Variants in CRACD observed in about 807,000 individuals in gnomAD.
CRACD encodes the protein capping protein-inhibiting regulator of actin dynamics.
In CRACD, 56 loss-of-function variants were observed where a neutral mutation model predicts 106.8. The ratio of observed to expected loss-of-function variants is 0.52; its 90% CI spans 0.42 to 0.66. The LOEUF is 0.66. Among genes scored for constraint, CRACD ranks in the 30% least tolerant of loss-of-function variants. The pLI is 0.00. For synonymous variants in CRACD, 754 were observed against 670.8 expected (o/e 1.12, Z -1.92); for missense variants, 1,730 against 1,623.2 (o/e 1.07, Z -1.13).
At chr4:56,237,982 T>A (rs1357804305) in intron 2 of CRACD, among the ~76,000 whole-genome samples, 1 of 150,762 alleles carries the variant, frequency 6.6e-6, no homozygotes, top group Non-Finnish European at 1.5e-5. Flanking sequence ...TATAACAAAC[T>A]ACCTCTGAAC....
intron 2 of CRACD, among the ~76,000 whole-genome samples, chr4:56,240,637 T>C (rs1740309783): frequency 6.6e-6 from 1 of 152,162 alleles, no homozygotes; most frequent in Non-Finnish European, 1.5e-5. Flanking sequence ...CCCTAGTAGC[T>C]GGGACTACAA....
At position 56,327,902 on chromosome 4, in the gene CRACD, G is replaced by A. The variant is rs1251704045; in HGVS notation, c.*98G>A. On this transcript the variant is annotated 3_prime_UTR_variant, in exon 11 of 11. Coordinates refer to ENST00000682029, the MANE Select transcript of CRACD (RefSeq NM_001393381.1). ...TATGGGGTAAAGAAATCAAGCTAGG[G>A]AAAAGAAGCATGTTTTATAGGCTCC... The A allele has an allele frequency of 1.8e-6, 2 of 1,085,262 alleles. No homozygotes were observed. Among genetic ancestry groups the A allele is most frequent in the Non-Finnish European group, 2.6e-6 (2 of 755,054 alleles). 67.2% of individuals were successfully genotyped at this position (1,085,262 alleles called of 1,614,324 possible). A position where few individuals can be genotyped will look rare whatever the true frequency, so the allele number is the denominator to read the frequency against.
chr4:56,195,485 C>T (rs1577729438), intron 2 of CRACD, among the ~76,000 whole-genome samples: 1 of 152,142 alleles, frequency 6.6e-6, no homozygotes, highest in African/African-American at 2.4e-5. Context: ...TAGGTGATTA[C>T]TCATATCAAG....
chr4:56,294,239 A>T (rs1743860640), intron 3 of CRACD, among the ~76,000 whole-genome samples: 1 of 151,972 alleles, frequency 6.6e-6, no homozygotes, highest in African/African-American at 2.4e-5. Context: ...AAAAAAAAGA[A>T]TCAGCAGTCA....
intron 2 of CRACD, among the ~76,000 whole-genome samples, chr4:56,206,706 A>C (rs1202022845): frequency 6.6e-6 from 1 of 152,198 alleles, no homozygotes; most frequent in Non-Finnish European, 1.5e-5. Flanking sequence ...GCTCAGTCCA[A>C]AACAGTGGCC....
At chr4:56,264,649 T>C (rs1392234421) in intron 2 of CRACD, among the ~76,000 whole-genome samples, 1 of 152,180 alleles carries the variant, frequency 6.6e-6, no homozygotes, top group Non-Finnish European at 1.5e-5. Flanking sequence ...ACATACATCC[T>C]GAGCTTACAA....
chr4:56,299,595 A>G (rs1744247661), intron 4 of CRACD, among the ~76,000 whole-genome samples: 1 of 151,508 alleles, frequency 6.6e-6, no homozygotes, highest in African/African-American at 2.4e-5. Flanking sequence ...GCTTGAGCCC[A>G]GGAAGCAGAG....
intron 1 of CRACD, among the ~76,000 whole-genome samples, chr4:56,162,707 T>C (rs1736001921): frequency 6.6e-6 from 1 of 152,242 alleles, no homozygotes; most frequent in Non-Finnish European, 1.5e-5. Flanking sequence ...TTTTGTACTG[T>C]GCTTTTCACA....
chr4:56,310,798 CTTTTT>C, intron 6 of CRACD, 64 bp downstream of exon 6: 1 of 804,134 alleles, frequency 1.2e-6, no homozygotes, highest in African/African-American at 1.9e-5. Context: ...TTCCCCCCCC[CTTTTT>C]TTTTTTTGCG....
intron 5 of CRACD, among the ~76,000 whole-genome samples, chr4:56,310,183 G>T (rs192360263): frequency 2.0e-5 from 3 of 152,114 alleles, no homozygotes; most frequent in African/African-American, 7.2e-5. Context: ...GCCCCTCCCT[G>T]GTCTTTCACC....
At chr4:56,057,799 A>ATTTTTTT (rs754198915) in intron 1 of CRACD, among the ~76,000 whole-genome samples, 1 of 43,480 alleles carries the variant, frequency 2.3e-5, no homozygotes, top group Non-Finnish European at 4.6e-5. Flanking sequence ...CATTTTTTGT[A>ATTTTTTT]TTTTTTTTTT....
At chr4:56,273,713 A>T (rs566181445) in intron 3 of CRACD, among the ~76,000 whole-genome samples, 1 of 152,144 alleles carries the variant, frequency 6.6e-6, no homozygotes, top group Admixed American at 6.5e-5. Flanking sequence ...TATGGAAATT[A>T]TTGATTTGCT....
At chr4:56,063,787 T>A (rs888281292) in intron 1 of CRACD, among the ~76,000 whole-genome samples, 1 of 152,240 alleles carries the variant, frequency 6.6e-6, no homozygotes, top group Non-Finnish European at 1.5e-5. Flanking sequence ...TTTGGGCTAC[T>A]CTGAGTAATG....
chr4:56,194,745 A>G (rs1251683172), intron 2 of CRACD, among the ~76,000 whole-genome samples: 1 of 152,228 alleles, frequency 6.6e-6, no homozygotes, highest in African/African-American at 2.4e-5. Context: ...TCCAGCCTCC[A>G]GAACAATGAG....
chr4:56,191,753 T>C (rs1737379115), intron 2 of CRACD, among the ~76,000 whole-genome samples: 1 of 152,220 alleles, frequency 6.6e-6, no homozygotes, highest in South Asian at 2.1e-4. Context: ...ACGTTATTTC[T>C]AAGAGAAAGT....
At chr4:56,143,071 TA>T (rs1440258882) in intron 1 of CRACD, among the ~76,000 whole-genome samples, 1 of 152,020 alleles carries the variant, frequency 6.6e-6, no homozygotes, top group African/African-American at 2.4e-5. Context: ...TATCTAATTC[TA>T]GACATAAAAA....
chr4:56,195,094 T>C (rs1737542658), intron 2 of CRACD, among the ~76,000 whole-genome samples: 1 of 152,154 alleles, frequency 6.6e-6, no homozygotes, highest in South Asian at 2.1e-4. Flanking sequence ...ATAATGTGAG[T>C]CTTTAACAGA....
intron 2 of CRACD, among the ~76,000 whole-genome samples, chr4:56,270,852 C>T (rs931982527): frequency 6.6e-5 from 10 of 151,916 alleles, no homozygotes; most frequent in African/African-American, 9.7e-5. Flanking sequence ...GAGGCCAAGG[C>T]GGACGGATCA....
intron 1 of CRACD, among the ~76,000 whole-genome samples, chr4:56,133,585 G>C (rs1359737892): frequency 6.6e-6 from 1 of 152,140 alleles, no homozygotes; most frequent in Non-Finnish European, 1.5e-5. Context: ...TAGTGGAAGA[G>C]ATACACTAGT....
Sources: gnomAD v4.1 joint callset for allele counts (sites outside exome capture counted in the v4.1 genomes callset) on GRCh38, gnomAD v4.1.1 for gene constraint, MANE v1.5 for transcripts, NCBI Gene and HGNC (gene_info 2026-07-23, HGNC 2026-07-21) for gene names.